Variants in SEMA5A observed in about 807,000 individuals in gnomAD.
SEMA5A encodes semaphorin-5A.
SEMA5A carries 55 observed loss-of-function variants against 135.5 expected under a neutral mutation model. That is an observed-to-expected ratio of 0.41 (90% CI 0.33 to 0.51). The LOEUF (loss-of-function observed/expected upper bound fraction) is 0.51. Among genes scored for constraint, SEMA5A ranks in the 20% least tolerant of loss-of-function variants. SEMA5A has a pLI of 0.37. For missense variants in SEMA5A, 1,290 were observed against 1,419.9 expected (o/e 0.91, Z 1.47); for synonymous variants, 580 against 546.5 (o/e 1.06, Z -0.85).
intron 11 of SEMA5A, among the ~76,000 whole-genome samples, chr5:9,188,473 C>T (rs35561658): frequency 0.18 from 27,856 of 151,984 alleles, 2,824 homozygotes; most frequent in South Asian, 0.24. Context: ...GTGGGGAGTA[C>T]GTCCAAAGGC....
intron 1 of SEMA5A, among the ~76,000 whole-genome samples, chr5:9,508,424 G>A (rs145675703): frequency 3.9e-5 from 6 of 152,212 alleles, no homozygotes; most frequent in Admixed American, 6.5e-5. Flanking sequence ...GCGTCTGATC[G>A]CTCCTTGCTG....
At chr5:9,364,257 A>G (rs777940283) in intron 3 of SEMA5A, among the ~76,000 whole-genome samples, 2 of 152,224 alleles carry the variant, frequency 1.3e-5, no homozygotes, top group African/African-American at 4.8e-5. Context: ...AAGACATTGA[A>G]CAATTTTGTG....
At chr5:9,360,601 A>G (rs1361342050) in intron 3 of SEMA5A, among the ~76,000 whole-genome samples, 1 of 152,242 alleles carries the variant, frequency 6.6e-6, no homozygotes, top group Non-Finnish European at 1.5e-5. Flanking sequence ...GGTGAAAATA[A>G]TAAAACTGCA....
At chr5:9,059,424 GA>G (rs1441200734) in intron 18 of SEMA5A, among the ~76,000 whole-genome samples, 130 of 152,204 alleles carry the variant, frequency 8.5e-4, no homozygotes, top group Middle Eastern at 3.4e-3. Context: ...CACAGAAGGT[GA>G]AAAAAATGAT....
intron 2 of SEMA5A, among the ~76,000 whole-genome samples, chr5:9,386,591 T>G (rs568776460): frequency 6.6e-6 from 1 of 152,272 alleles, no homozygotes; most frequent in African/African-American, 2.4e-5. Context: ...GCAGACTGTC[T>G]TCCGTGGTCA....
chr5:9,176,525 T>A (rs1560990415), intron 11 of SEMA5A, among the ~76,000 whole-genome samples: 1 of 152,228 alleles, frequency 6.6e-6, no homozygotes, highest in Non-Finnish European at 1.5e-5. Flanking sequence ...CTAATAAGTG[T>A]ATGATGCTTG....
At chr5:9,195,252 G>T (rs1478870005) in intron 10 of SEMA5A, among the ~76,000 whole-genome samples, 1 of 152,124 alleles carries the variant, frequency 6.6e-6, no homozygotes, top group East Asian at 1.9e-4. Context: ...CTCACTGATT[G>T]AACTCCTGGG....
chr5:9,366,745 T>G (rs1344142196), intron 3 of SEMA5A, among the ~76,000 whole-genome samples: 2 of 152,230 alleles, frequency 1.3e-5, no homozygotes, highest in Admixed American at 6.5e-5. Context: ...GGAATTTTCC[T>G]GAAGAGATAA....
intron 2 of SEMA5A, among the ~76,000 whole-genome samples, chr5:9,381,427 G>A (rs575340275): frequency 2.6e-5 from 4 of 152,274 alleles, no homozygotes; most frequent in African/African-American, 9.6e-5. Context: ...CCTGGAATCT[G>A]GGTTGGCTCA....
At chr5:9,117,324 G>C (rs1002716643) in intron 15 of SEMA5A, among the ~76,000 whole-genome samples, 6 of 152,154 alleles carry the variant, frequency 3.9e-5, no homozygotes, top group African/African-American at 1.4e-4. Context: ...CTTGACTCTA[G>C]GGAAGCCTTT....
intron 2 of SEMA5A, among the ~76,000 whole-genome samples, chr5:9,418,392 A>G (rs1050779417): frequency 6.6e-6 from 1 of 152,158 alleles, no homozygotes; most frequent in African/African-American, 2.4e-5. Flanking sequence ...GGATTTCAAC[A>G]TATGCATTTT....
chr5:9,284,251 G>A lies in SEMA5A; in HGVS notation c.270+34121C>T, dbSNP rs184457433. On this transcript the variant is annotated intron_variant, in intron 5 of 22. Coordinates refer to ENST00000382496, the MANE Select transcript of SEMA5A (RefSeq NM_003966.3). ...CATTCCTCCACAGGTAGGCAATCAA[G>A]GGTTCCAAATGAAAGCATATCATAA... Among the ~76,000 whole-genome samples, 389 of 152,248 alleles carry A rather than the reference G, an allele frequency of 2.6e-3. 2 individuals carry two copies. Among genetic ancestry groups the A allele is most frequent in the African/African-American group, 8.9e-3 (371 of 41,556 alleles).
At chr5:9,396,246 GCACACA>G (rs147262677) in intron 2 of SEMA5A, among the ~76,000 whole-genome samples, 176 of 148,906 alleles carry the variant, frequency 1.2e-3, no homozygotes, top group East Asian at 3.0e-3. Context: ...GCGCGTGCGT[GCACACA>G]CACACACACA....
intron 8 of SEMA5A, among the ~76,000 whole-genome samples, chr5:9,206,666 T>C (rs1322915561): frequency 6.6e-6 from 1 of 151,914 alleles, no homozygotes; most frequent in Admixed American, 6.6e-5. Flanking sequence ...TGGGAATGAA[T>C]ATTAAAGGCA....
chr5:9,066,307 G>T, intron 17 of SEMA5A, 114 bp downstream of exon 17: 2 of 938,878 alleles, frequency 2.1e-6, no homozygotes, highest in Non-Finnish European at 3.4e-6. Flanking sequence ...TTTCAAGGCT[G>T]CTAAGCCATA....
At chr5:9,450,235 G>A (rs1490562862) in intron 1 of SEMA5A, among the ~76,000 whole-genome samples, 1 of 152,202 alleles carries the variant, frequency 6.6e-6, no homozygotes, top group African/African-American at 2.4e-5. Flanking sequence ...GTCAAGTGGG[G>A]AGAACGAGGC....
intron 18 of SEMA5A, among the ~76,000 whole-genome samples, chr5:9,059,138 T>A (rs960272249): frequency 5.3e-5 from 8 of 152,188 alleles, no homozygotes; most frequent in African/African-American, 1.9e-4. Flanking sequence ...AGTTTGTGTT[T>A]ACTTCATTAG....
intron 16 of SEMA5A, among the ~76,000 whole-genome samples, chr5:9,078,997 A>G (rs1045805439): frequency 6.6e-6 from 1 of 152,098 alleles, no homozygotes; most frequent in Non-Finnish European, 1.5e-5. Flanking sequence ...AAATATAAAA[A>G]ATATAAATAC....
intron 1 of SEMA5A, among the ~76,000 whole-genome samples, chr5:9,463,978 A>G (rs958344656): frequency 7.2e-5 from 11 of 152,164 alleles, no homozygotes; most frequent in African/African-American, 2.7e-4. Flanking sequence ...CAAATCTGTG[A>G]TGCTGTATTC....
Sources: gnomAD v4.1 joint callset for allele counts (sites outside exome capture counted in the v4.1 genomes callset) on GRCh38, gnomAD v4.1.1 for gene constraint, MANE v1.5 for transcripts, NCBI Gene and HGNC (gene_info 2026-07-23, HGNC 2026-07-21) for gene names.